EPC2: variants seen among roughly 807,000 people sequenced by gnomAD.
The protein encoded by EPC2 is enhancer of polycomb 2.
Under a neutral mutation model 92.1 loss-of-function variants are expected in EPC2, and 14 were observed. The observed-to-expected ratio is 0.15, with a 90% CI of 0.10 to 0.24. EPC2 has a LOEUF of 0.24. Ranked by LOEUF, EPC2 falls within the 10% of genes least tolerant of loss-of-function variation. The pLI is 1.00. For synonymous variants in EPC2, 340 were observed against 334.7 expected, an observed-to-expected ratio of 1.02 and a Z score of -0.17; for missense variants, 755 against 971.5, an observed-to-expected ratio of 0.78 and a Z score of 2.96.
intron 10 of EPC2, among the ~76,000 whole-genome samples, chr2:148,777,744 G>T (rs1683674225): frequency 1.3e-5 from 2 of 152,090 alleles, no homozygotes; most frequent in Admixed American, 1.3e-4. Context: ...AGGGATGGCT[G>T]GGACCTTTGA....
Position 148,762,749 on chromosome 2 carries a change from C to G in EPC2, c.895C>G (p.Pro299Ala). The change falls in exon 6 of 14, where the codon CCA (proline) becomes GCA (alanine). Residue 299 changes from proline to alanine, a missense_variant. Pro to Ala is a conservative substitution (Grantham distance 27). Coordinates refer to ENST00000258484, the MANE Select transcript of EPC2 (RefSeq NM_015630.4). Reference protein sequence around the residue: ...SRSEKELYATPATLHNGNHHK... With the variant: ...SRSEKELYATAATLHNGNHHK... Reference sequence around the variant, plus strand: ...ATCAGAAAAAGAGTTATATGCCACTCCAGCAACTCTTCATAATGGAAATCA... The same window carrying G: ...ATCAGAAAAAGAGTTATATGCCACTGCAGCAACTCTTCATAATGGAAATCA... 6.2e-7 allele frequency: 1 copy of G among 1,610,754 alleles called. No homozygotes were observed. Among genetic ancestry groups the G allele is most frequent in the Non-Finnish European group, 8.5e-7 (1 of 1,178,688 alleles).
At chr2:148,700,849 CGTT>C (rs1281191003) in intron 2 of EPC2, among the ~76,000 whole-genome samples, 2 of 151,952 alleles carry the variant, frequency 1.3e-5, no homozygotes, top group Admixed American at 6.6e-5. Context: ...TTTACTGAGA[CGTT>C]GTTGAATCTG....
intron 4 of EPC2, 119 bp downstream of exon 4, chr2:148,754,252 T>A: frequency 1.2e-6 from 1 of 813,304 alleles, no homozygotes; most frequent in Non-Finnish European, 1.9e-6. Flanking sequence ...GATGACTTTC[T>A]ATAAGAAATC....
At chr2:148,769,618 C>T (rs1202994029) in intron 8 of EPC2, among the ~76,000 whole-genome samples, 3 of 152,008 alleles carry the variant, frequency 2.0e-5, no homozygotes, top group Non-Finnish European at 4.4e-5. Flanking sequence ...TATGCAAGCC[C>T]ATCTTGTGCA....
chr2:148,713,147 A>C (rs1355184628), intron 2 of EPC2, among the ~76,000 whole-genome samples: 1 of 152,190 alleles, frequency 6.6e-6, no homozygotes, highest in African/African-American at 2.4e-5. Flanking sequence ...TCTACTTATC[A>C]AAAATTGTAA....
intron 2 of EPC2, among the ~76,000 whole-genome samples, chr2:148,707,744 G>A (rs1480988949): frequency 6.6e-6 from 1 of 152,144 alleles, no homozygotes; most frequent in Non-Finnish European, 1.5e-5. Flanking sequence ...GCTCCTGAAT[G>A]ACTACTGGGT....
chr2:148,780,982 T>C (rs1397988514), intron 10 of EPC2, among the ~76,000 whole-genome samples: 2 of 152,208 alleles, frequency 1.3e-5, no homozygotes, highest in Non-Finnish European at 2.9e-5. Context: ...AAACACACTT[T>C]TAACACAGTT....
intron 3 of EPC2, 126 bp from the exon 4 acceptor site, chr2:148,753,801 C>T: frequency 1.5e-6 from 1 of 668,978 alleles, no homozygotes; most frequent in Non-Finnish European, 2.5e-6. Flanking sequence ...ATTGTGTCTT[C>T]ACTTACTATA....
chr2:148,747,158 T>A (rs989743811), intron 3 of EPC2, among the ~76,000 whole-genome samples: 1 of 152,002 alleles, frequency 6.6e-6, no homozygotes, highest in Non-Finnish European at 1.5e-5. Flanking sequence ...AGTTACTGAT[T>A]AACCTTCTAT....
At chr2:148,733,465 C>A (rs1360742535) in intron 2 of EPC2, among the ~76,000 whole-genome samples, 1 of 74,922 alleles carries the variant, frequency 1.3e-5, no homozygotes, top group African/African-American at 5.0e-5. Context: ...TTTCTCTTTT[C>A]TTTCTCTCTC....
At chr2:148,772,313 T>C (rs1683538654) in intron 10 of EPC2, among the ~76,000 whole-genome samples, 1 of 152,190 alleles carries the variant, frequency 6.6e-6, no homozygotes, top group Non-Finnish European at 1.5e-5. Context: ...TTTATAGATA[T>C]CTTTATACAT....
chr2:148,667,321 T>G (rs1681075132), intron 1 of EPC2, among the ~76,000 whole-genome samples: 1 of 152,178 alleles, frequency 6.6e-6, no homozygotes, highest in African/African-American at 2.4e-5. Context: ...CAGTACAAAA[T>G]AAAAGGAACT....
intron 2 of EPC2, among the ~76,000 whole-genome samples, chr2:148,699,778 C>CTAAAAAA (rs1681835927): frequency 6.6e-6 from 1 of 152,100 alleles, no homozygotes; most frequent in South Asian, 2.1e-4. Context: ...TTGCTGTAAA[C>CTAAAAAA]ATGTTTAGTT....
intron 7 of EPC2, among the ~76,000 whole-genome samples, chr2:148,766,562 A>G (rs1683413268): frequency 6.6e-6 from 1 of 152,192 alleles, no homozygotes; most frequent in Non-Finnish European, 1.5e-5. Context: ...TTTTGAAGGA[A>G]TGAGGGATAT....
chr2:148,671,268 ATCTC>A (rs1681146335), intron 1 of EPC2, among the ~76,000 whole-genome samples: 3 of 148,566 alleles, frequency 2.0e-5, no homozygotes, highest in African/African-American at 7.4e-5. Context: ...TAAATGCTAA[ATCTC>A]TATTGTGGAT....
intron 1 of EPC2, among the ~76,000 whole-genome samples, chr2:148,687,745 A>G (rs1193540812): frequency 1.3e-5 from 2 of 152,244 alleles, no homozygotes; most frequent in Non-Finnish European, 2.9e-5. Flanking sequence ...TGTCTATGGC[A>G]TAGAAGCTTG....
chr2:148,683,839 A>G (rs533574716), intron 1 of EPC2, among the ~76,000 whole-genome samples: 1 of 152,180 alleles, frequency 6.6e-6, no homozygotes, highest in Non-Finnish European at 1.5e-5. Flanking sequence ...AATGCGTGCA[A>G]GTGTCTTTTT....
rs1683762138 is a variant in EPC2 at position 148,644,955 on chromosome 2, C to T, written c.-63C>T. 5 of 1,399,764 alleles carry T rather than the reference C, an allele frequency of 3.6e-6. No individual in the cohort carries two copies. The highest frequency in any genetic ancestry group is 3.0e-6 in the Non-Finnish European group (3 of 1,016,370). The allele number at this position is 1,399,764 out of a possible 1,614,324, so 86.7% of individuals were successfully genotyped here. A position where few individuals can be genotyped will look rare whatever the true frequency, so the allele number is the denominator to read the frequency against. On this transcript the variant is annotated 5_prime_UTR_variant, in exon 1 of 14. Coordinates refer to ENST00000258484, the MANE Select transcript of EPC2 (RefSeq NM_015630.4). ...GGAGGTGGAGGAGGCGGCGGGAGTCCTCCCCCCCTCCCCGCCCGCCCCGCC... is the reference window on the plus strand; with the variant it reads ...GGAGGTGGAGGAGGCGGCGGGAGTCTTCCCCCCCTCCCCGCCCGCCCCGCC...
chr2:148,675,455 A>T, intron 1 of EPC2, among the ~76,000 whole-genome samples: 1 of 152,178 alleles, frequency 6.6e-6, no homozygotes, highest in East Asian at 1.9e-4. Flanking sequence ...TCGTTTTAAG[A>T]TAATTGAATA....
Sources: gnomAD v4.1 joint callset for allele counts (sites outside exome capture counted in the v4.1 genomes callset) on GRCh38, gnomAD v4.1.1 for gene constraint, MANE v1.5 for transcripts, NCBI Gene and HGNC (gene_info 2026-07-23, HGNC 2026-07-21) for gene names.